The following P3H2 variants were observed in gnomAD, a reference collection of about 807,000 sequenced individuals.
The protein encoded by P3H2 is leprecan-like 1.
Under a neutral mutation model 87.0 loss-of-function variants are expected in P3H2, and 80 were observed. The observed-to-expected ratio is 0.92, with a 90% confidence interval of 0.77 to 1.11. P3H2 has a LOEUF of 1.11. P3H2 is among the 50% of genes least tolerant of loss of function. The pLI, the probability that P3H2 is intolerant of heterozygous loss-of-function variation, is 0.00. For missense variants in P3H2, 1,001 were observed against 923.9 expected (o/e 1.08, Z -1.08); for synonymous variants, 367 against 359.3 (o/e 1.02, Z -0.24).
At chr3:189,964,249 T>C (rs931975102) in intron 13 of P3H2, 151 bp from the exon 14 acceptor site, 6 of 750,608 alleles carry the variant, frequency 8.0e-6, no homozygotes, top group South Asian at 1.5e-5. Flanking sequence ...ATTATCTCAA[T>C]TTTCTCACCC....
In P3H2 at chr3:190,092,751, A is replaced by C. The variant is rs79900421; in HGVS notation, c.480+27501T>G. On this transcript the variant is annotated intron_variant, in intron 1 of 14. Transcript: ENST00000319332. ...TTTTATTTAAGGCAATTAAGCAAAGATAATGAGACTTTTAAAAAGACAAAG... is the reference window on the plus strand; with the variant it reads ...TTTTATTTAAGGCAATTAAGCAAAGCTAATGAGACTTTTAAAAAGACAAAG... Among the ~76,000 whole-genome samples, 901 of 152,324 alleles carry C rather than the reference A, an allele frequency of 5.9e-3. 40 individuals carry two copies. The East Asian group carries it at 0.11, about 19-fold the overall frequency.
intron 8 of P3H2, among the ~76,000 whole-genome samples, chr3:189,979,981 T>TA (rs561240833): frequency 1.6e-4 from 24 of 147,680 alleles, no homozygotes; most frequent in East Asian, 5.9e-4. Flanking sequence ...AAAATAAAAA[T>TA]AAAAAAAAAA....
Position 189,988,961 on chromosome 3 carries a change from T to C in P3H2, c.901A>G (p.Ile301Val). The C allele has an allele frequency of 6.2e-7, 1 of 1,614,058 alleles. No homozygotes were observed. Among genetic ancestry groups the C allele is most frequent in the Non-Finnish European group, 8.5e-7 (1 of 1,180,014 alleles). ...TAGTGCAGAGGAAGAAAATTCTCGA[T>C]GGGAGAGAGGCGGCCAGGGCGGGTG... ...LATRPGRLSP[I>V]ENFLPLHYDY... is the part of the protein sequence containing the mutation. The change falls in exon 4 of 15, where the codon ATC (isoleucine) becomes GTC (valine). Residue 301 changes from isoleucine (I) to valine (V), a missense_variant. Ile to Val is a conservative substitution (Grantham distance 29). Transcript: ENST00000319332.
In P3H2 at chr3:190,113,102, G is replaced by C. The variant is rs111944995; in HGVS notation, c.480+7150C>G. On this transcript the variant is annotated intron_variant, in intron 1 of 14. Coordinates refer to ENST00000319332, the MANE Select transcript of P3H2 (RefSeq NM_018192.4). ...GTCCACTTTGTCTCTGAAGGCAATG[G>C]GTTTACTGCAGGTCTCAAGTGCACC... is the stretch of plus-strand genomic sequence containing the variant. Among the ~76,000 whole-genome samples, 547 of 152,276 alleles carry C rather than the reference G, an allele frequency of 3.6e-3. 2 individuals carry two copies. Among genetic ancestry groups the C allele is most frequent in the African/African-American group, 0.013 (524 of 41,556 alleles).
At chr3:190,121,307 G>C (rs564241553), upstream of P3H2, among the ~76,000 whole-genome samples, 9 of 150,806 alleles carry the variant, frequency 6.0e-5, no homozygotes, top group East Asian at 1.8e-3. Context: ...ACAAATCTGC[G>C]CATTCTGCAC....
chr3:190,114,042 C>T (rs540295926), intron 1 of P3H2, among the ~76,000 whole-genome samples: 6,479 of 113,960 alleles, frequency 0.057, 300 homozygotes, highest in Middle Eastern at 0.086. Context: ...ATGTCGCCAC[C>T]ACACTCCAGC....
intron 1 of P3H2, among the ~76,000 whole-genome samples, chr3:190,028,614 T>C (rs983669413): frequency 2.6e-5 from 4 of 152,256 alleles, no homozygotes; most frequent in Non-Finnish European, 5.9e-5. Context: ...GTGCCCTGCA[T>C]AGGATTTGCC....
At chr3:190,017,338 A>T (rs546122654) in intron 1 of P3H2, among the ~76,000 whole-genome samples, 76 of 152,320 alleles carry the variant, frequency 5.0e-4, no homozygotes, top group Middle Eastern at 3.4e-3. Context: ...AGGGAAAAAA[A>T]AATAATACTG....
intron 1 of P3H2, among the ~76,000 whole-genome samples, chr3:190,062,779 C>T (rs1019706898): frequency 9.9e-5 from 15 of 151,946 alleles, no homozygotes; most frequent in South Asian, 8.3e-4. Context: ...AGTGAGATAA[C>T]GTTATTCCCC....
chr3:189,988,447 CAT>C (rs766236620), intron 4 of P3H2, among the ~76,000 whole-genome samples: 3 of 151,118 alleles, frequency 2.0e-5, no homozygotes, highest in East Asian at 1.9e-4. Flanking sequence ...CACACACACA[CAT>C]ATATATATAC....
Position 189,963,981 on chromosome 3 carries a change from AG to A in P3H2, c.2010del (p.Leu671TrpfsTer16). On this transcript the variant is annotated frameshift_variant, in exon 14 of 15. Transcript: ENST00000319332. LOFTEE classifies it high-confidence loss of function. ...ACCAATTCTCTATAAAGTGGGTCCAAGGTGAACCACAGAGCCACAGCACACC... is the reference window on the plus strand; with the variant it reads ...ACCAATTCTCTATAAAGTGGGTCCAAGTGAACCACAGAGCCACAGCACACC... ...GKRCAVALWF[T>X]LDPLYRELER... The A allele has an allele frequency of 6.2e-7, 1 of 1,614,180 alleles. No homozygotes were observed. Among genetic ancestry groups the A allele is most frequent in the Non-Finnish European group, 8.5e-7 (1 of 1,180,024 alleles).
At chr3:189,965,742 T>G (rs567916376) in intron 13 of P3H2, among the ~76,000 whole-genome samples, 127 of 152,042 alleles carry the variant, frequency 8.4e-4, no homozygotes, top group Non-Finnish European at 2.1e-4. Context: ...TCCCAGCACT[T>G]TAGGAGGCCA....
Position 189,997,395 on chromosome 3 carries a change from C to T in P3H2, c.481-1953G>A, listed in dbSNP as rs146715647. On this transcript the variant is annotated intron_variant, in intron 1 of 14. Transcript: ENST00000319332. ...GGTGGAATCTAAAATATGCTCAATC[C>T]ATTTTAGTGTGAAGAAATGAAAACT... is the stretch of plus-strand genomic sequence containing the variant. Among the ~76,000 whole-genome samples the T allele has an allele frequency of 4.5e-3, 678 of 152,270 alleles. 5 individuals carry two copies. Among genetic ancestry groups the T allele is most frequent in the African/African-American group, 0.015 (634 of 41,552 alleles).
chr3:189,980,621 A>G (rs558940388), intron 8 of P3H2, among the ~76,000 whole-genome samples: 1 of 152,286 alleles, frequency 6.6e-6, no homozygotes, highest in South Asian at 2.1e-4. Flanking sequence ...GTATCTATCT[A>G]CAACTGTTCT....
intron 1 of P3H2, among the ~76,000 whole-genome samples, chr3:190,080,348 A>C (rs1323793202): frequency 6.6e-6 from 1 of 152,166 alleles, no homozygotes; most frequent in Non-Finnish European, 1.5e-5. Context: ...ACAACATCTG[A>C]TCATGTTGGC....
chr3:190,079,353 T>A (rs1237891172), intron 1 of P3H2, among the ~76,000 whole-genome samples: 2 of 147,966 alleles, frequency 1.4e-5, no homozygotes. Context: ...AATAAATAAA[T>A]AAATAAATAA....
intron 1 of P3H2, among the ~76,000 whole-genome samples, chr3:190,023,086 A>G (rs1724982232): frequency 6.6e-6 from 1 of 152,098 alleles, no homozygotes; most frequent in Admixed American, 6.6e-5. Context: ...TTGGCCTCCC[A>G]AAGTGCTGGG....
At chr3:190,086,357 G>A (rs1311245745) in intron 1 of P3H2, among the ~76,000 whole-genome samples, 1 of 152,138 alleles carries the variant, frequency 6.6e-6, no homozygotes, top group Non-Finnish European at 1.5e-5. Flanking sequence ...TTACAAAAGA[G>A]AGTGCCACAG....
intron 1 of P3H2, among the ~76,000 whole-genome samples, chr3:190,092,468 G>A (rs372315847): frequency 1.3e-5 from 2 of 152,166 alleles, no homozygotes; most frequent in Admixed American, 6.5e-5. Context: ...GGCAAGGAAC[G>A]AAGTCTAGAA....
Sources: allele counts gnomAD v4.1 joint callset (sites outside exome capture counted in the v4.1 genomes callset), GRCh38; gene constraint gnomAD v4.1.1; transcripts MANE v1.5; gene names NCBI Gene and HGNC (gene_info 2026-07-23, HGNC 2026-07-21).